Variants in DDX1 observed in about 807,000 individuals in gnomAD.
DDX1 encodes the protein ATP-dependent RNA helicase DDX1.
In DDX1, 28 loss-of-function variants were observed where a neutral mutation model predicts 108.7. The ratio of observed to expected loss-of-function variants is 0.26; its 90% confidence interval spans 0.19 to 0.35. The LOEUF (loss-of-function observed/expected upper bound fraction) is 0.35. Ranked by LOEUF, DDX1 falls within the 10% of genes least tolerant of loss-of-function variation. The pLI is 1.00. For missense variants in DDX1, 710 were observed against 884.5 expected, an observed-to-expected ratio of 0.80 and a Z score of 2.50; for synonymous variants, 295 against 288.9, an observed-to-expected ratio of 1.02 and a Z score of -0.21.
chr2:15,593,786 T>C (rs974065368), intron 1 of DDX1, among the ~76,000 whole-genome samples: 5 of 151,828 alleles, frequency 3.3e-5, no homozygotes, highest in Admixed American at 1.3e-4. Flanking sequence ...GATTAAGAGC[T>C]AGGAAAGTCG....
chr2:15,614,941 G>A (rs1031333103), intron 14 of DDX1, among the ~76,000 whole-genome samples: 2 of 152,102 alleles, frequency 1.3e-5, no homozygotes, highest in African/African-American at 4.8e-5. Context: ...AGCTTTTAGG[G>A]AATTAAATCT....
intron 25 of DDX1, 22 bp from the exon 26 acceptor site, chr2:15,630,754 T>C (rs1348336122): frequency 1.2e-6 from 2 of 1,603,992 alleles, no homozygotes; most frequent in Admixed American, 1.7e-5. Flanking sequence ...TTACATTACT[T>C]TGTTATTTGT....
At position 15,620,200 on chromosome 2, in the gene DDX1, C is replaced by T; in HGVS notation, c.1207-8C>T. On this transcript the variant is annotated splice_region_variant and splice_polypyrimidine_tract_variant and intron_variant, in intron 16 of 25. Transcript: ENST00000233084. The stretch of plus-strand genomic sequence containing the variant: ...AGTTCATCTCAATTTGGGGTTTCCT[C>T]TTCTTAGGTGATTGTTTGCTCTGCC... 2 of 1,611,342 alleles carry T rather than the reference C, an allele frequency of 1.2e-6. No homozygotes were observed. Among genetic ancestry groups the T allele is most frequent in the Non-Finnish European group, 1.7e-6 (2 of 1,178,980 alleles).
At position 15,597,422 on chromosome 2, in the gene DDX1, C is replaced by A; in HGVS notation, c.210C>A (p.Asp70Glu). The A allele has an allele frequency of 6.2e-7, 1 of 1,608,324 alleles. No individual in the cohort carries two copies. The highest frequency in any genetic ancestry group is 8.5e-7 in the Non-Finnish European group (1 of 1,178,098). Residue 70 changes from aspartate (D) to glutamate (E), a missense_variant, in exon 5 of 26, where the codon GAC becomes GAA. Asp to Glu is a conservative substitution (Grantham distance 45). Transcript: ENST00000233084. ...VIQIVYETLKDQQEGKKGKTT... is the reference protein window; with the variant it reads ...VIQIVYETLKEQQEGKKGKTT... ...AGATAGTTTATGAAACTCTGAAAGA[C>A]CAACAGGAAGGCAAAAAAGGAAAAA...
chr2:15,618,249 C>T lies in DDX1; in HGVS notation c.1185C>T (p.Thr395=), dbSNP rs762573942. 1.3e-6 allele frequency: 2 copies of T among 1,577,592 alleles called. No homozygotes were observed. Among genetic ancestry groups the T allele is most frequent in the Non-Finnish European group, 8.7e-7 (1 of 1,152,286 alleles). ...TGCACAATCAGATTCCTCAGGTTAC[C>T]TCTGATGGAAAAAGACTTCAGGTAT... ...NRMHNQIPQV[T]SDGKRLQVIV... Residue 395 remains threonine (T), a synonymous_variant, in exon 16 of 26, where the codon ACC becomes ACT. Transcript: ENST00000233084.
At chr2:15,597,599 T>C (rs1665522911) in intron 5 of DDX1, 128 bp downstream of exon 5, 3 of 629,926 alleles carry the variant, frequency 4.8e-6, no homozygotes, top group Non-Finnish European at 8.3e-6. Context: ...TATTGGGATC[T>C]GGAACCCTGG....
intron 6 of DDX1, among the ~76,000 whole-genome samples, chr2:15,600,100 C>G (rs1367529127): frequency 4.6e-5 from 7 of 152,134 alleles, no homozygotes; most frequent in Admixed American, 4.6e-4. Context: ...ATACAGAAAA[C>G]TACATGTATA....
intron 1 of DDX1, among the ~76,000 whole-genome samples, chr2:15,594,647 C>T (rs1043661710): frequency 3.9e-5 from 6 of 152,266 alleles, no homozygotes; most frequent in African/African-American, 9.6e-5. Context: ...TGTGGGTGCT[C>T]GCCACTTGTC....
At position 15,591,917 on chromosome 2, in the gene DDX1, C is replaced by T. The variant is rs576429269; in HGVS notation, c.-17C>T. On this transcript the variant is annotated 5_prime_UTR_variant, in exon 1 of 26. Transcript: ENST00000233084. ...GGGAGGGAGCGAGCAGGCGAAGCCG[C>T]GGAGGACGGGGTGAAGATGGCGGCC... The T allele has an allele frequency of 8.2e-6, 12 of 1,456,732 alleles. No individual in the cohort carries two copies. The highest frequency in any genetic ancestry group is 4.2e-5 in the South Asian group (3 of 72,134). The allele number at this position is 1,456,732 out of a possible 1,614,324, so 90.2% of individuals were successfully genotyped here.
chr2:15,618,027 C>T (rs981676001), intron 15 of DDX1, among the ~76,000 whole-genome samples, 154 bp from the exon 16 acceptor site: 1 of 152,144 alleles, frequency 6.6e-6, no homozygotes, highest in Admixed American at 6.5e-5. Context: ...CTTTATCCAA[C>T]AAAATAATTT....
intron 20 of DDX1, 152 bp from the exon 21 acceptor site, chr2:15,628,293 A>T: frequency 1.7e-6 from 1 of 589,846 alleles, no homozygotes; most frequent in South Asian, 2.3e-5. Flanking sequence ...AAACTTCAAG[A>T]CTTGGTCCAG....
At chr2:15,627,289 T>C in intron 20 of DDX1, 144 bp downstream of exon 20, 1 of 504,360 alleles carries the variant, frequency 2.0e-6, no homozygotes, top group Middle Eastern at 5.3e-4. Flanking sequence ...GTCATCATCA[T>C]GACAGGAATT....
At chr2:15,625,138 T>A (rs1023403839) in intron 19 of DDX1, among the ~76,000 whole-genome samples, 10 of 152,180 alleles carry the variant, frequency 6.6e-5, no homozygotes, top group Admixed American at 5.2e-4. Context: ...GACTTTTCCT[T>A]GCTGAGTAAA....
chr2:15,596,097 G>A (rs1428993101), intron 3 of DDX1, among the ~76,000 whole-genome samples: 1 of 152,146 alleles, frequency 6.6e-6, no homozygotes, highest in Non-Finnish European at 1.5e-5. Context: ...ATGCTGCCCA[G>A]TCTGGTCTCC....
intron 19 of DDX1, among the ~76,000 whole-genome samples, chr2:15,625,752 A>G (rs998581196): frequency 2.0e-5 from 3 of 152,212 alleles, no homozygotes; most frequent in Non-Finnish European, 4.4e-5. Flanking sequence ...CCATTATTGT[A>G]CTGAGGAAAG....
At chr2:15,623,010 A>T (rs761567051) in intron 18 of DDX1, among the ~76,000 whole-genome samples, 2 of 152,196 alleles carry the variant, frequency 1.3e-5, no homozygotes, top group Non-Finnish European at 2.9e-5. Context: ...TAGAAAGTAC[A>T]TTAATTATTT....
intron 1 of DDX1, among the ~76,000 whole-genome samples, chr2:15,593,370 A>T (rs1047553044): frequency 2.0e-5 from 3 of 152,194 alleles, no homozygotes; most frequent in African/African-American, 7.2e-5. Context: ...GGAGTCATAC[A>T]CAAATTTCAT....
chr2:15,617,804 G>A lies in DDX1; in HGVS notation c.1117-377G>A, dbSNP rs139755669. 4.2e-3 allele frequency among the ~76,000 whole-genome samples: 637 copies of A among 152,250 alleles called. 6 individuals are homozygous for A. The highest frequency in any genetic ancestry group is 0.012 in the African/African-American group (480 of 41,550). Reference sequence around the variant, plus strand: ...GACATAAATGTGTTTGAGTCTCTTAGACATACTTCCAAATCATTTTCAGGT... The same window carrying A: ...GACATAAATGTGTTTGAGTCTCTTAAACATACTTCCAAATCATTTTCAGGT... On this transcript the variant is annotated intron_variant, in intron 15 of 25. Coordinates refer to ENST00000233084, the MANE Select transcript of DDX1 (RefSeq NM_004939.3).
rs1322081173 is a variant in DDX1, at chr2:15,618,287, T to G, written c.1206+17T>G. The G allele has an allele frequency of 7.7e-7, 1 of 1,306,378 alleles. No homozygotes were observed. The highest frequency in any genetic ancestry group is 1.1e-6 in the Non-Finnish European group (1 of 910,016). 80.9% of individuals were successfully genotyped at this position (1,306,378 alleles called of 1,614,324 possible). On this transcript the variant is annotated intron_variant, in intron 16 of 25. Transcript: ENST00000233084. ...AGACTTCAGGTATAAAATTTATCAA[T>G]GCATCTTAAAATGCATGTAAACAAT... is the stretch of plus-strand genomic sequence containing the variant.
Sources: allele counts gnomAD v4.1 joint callset (sites outside exome capture counted in the v4.1 genomes callset), GRCh38; gene constraint gnomAD v4.1.1; transcripts MANE v1.5; gene names NCBI Gene and HGNC (gene_info 2026-07-23, HGNC 2026-07-21).